Variants in AGO3 observed in about 807,000 individuals in gnomAD.
AGO3 encodes the protein argonaute RISC catalytic component 3, also known as protein argonaute-3.
In AGO3, 16 loss-of-function variants were observed where a neutral mutation model predicts 105.5. The observed-to-expected ratio is 0.15, with a 90% CI of 0.10 to 0.23. The LOEUF is 0.23. AGO3 is among the 10% of genes least tolerant of loss of function. The pLI, the probability that AGO3 is intolerant of heterozygous loss-of-function variation, is 1.00. For synonymous variants in AGO3, 340 were observed against 367.3 expected (o/e 0.93, Z 0.85); for missense variants, 534 against 1,088.0 (o/e 0.49, Z 7.16).
chr1:35,962,449 A>G (rs1646694340), intron 2 of AGO3, among the ~76,000 whole-genome samples: 2 of 152,038 alleles, frequency 1.3e-5, no homozygotes, highest in South Asian at 2.1e-4. Context: ...AGGCTGAGGC[A>G]GGAGAATAGT....
In AGO3 at chr1:35,935,239, A is replaced by G. The variant is rs1254085004; in HGVS notation, c.19+3794A>G. The stretch of plus-strand genomic sequence containing the variant: ...TCCGAGGGAAAACAAAAATTGAGAC[A>G]TAAAATAAATTTTTCCTTCTAAAAA... On this transcript the variant is annotated intron_variant, in intron 1 of 18. Coordinates refer to ENST00000373191, the MANE Select transcript of AGO3 (RefSeq NM_024852.4). 2.6e-5 allele frequency among the ~76,000 whole-genome samples: 4 copies of G among 152,226 alleles called. No homozygotes were observed. In the South Asian group the frequency reaches 6.2e-4, roughly 24 times the overall value.
chr1:35,979,724 T>G (rs1416249487), intron 5 of AGO3, among the ~76,000 whole-genome samples: 2 of 152,172 alleles, frequency 1.3e-5, no homozygotes, highest in African/African-American at 4.8e-5. Flanking sequence ...TTTATATAAG[T>G]GACTTTCTTT....
At chr1:35,982,629 C>T (rs1266809920) in intron 5 of AGO3, 3 of 717,320 alleles carry the variant, frequency 4.2e-6, no homozygotes, top group Admixed American at 2.0e-5. Flanking sequence ...AGAAAGAGAC[C>T]TCTGGCAGCA....
chr1:36,034,175 G>A lies in AGO3; in HGVS notation c.1593G>A (p.Ala531=). 6.5e-7 allele frequency: 1 copy of A among 1,533,662 alleles called. No homozygotes were observed. The highest frequency in any genetic ancestry group is 8.8e-7 in the Non-Finnish European group (1 of 1,141,064). ...AGAGGTTTTGCATCTATTCCATAGCGGAAGTGAAACGTGTAGGAGACACAC... is the reference window on the plus strand; with the variant it reads ...AGAGGTTTTGCATCTATTCCATAGCAGAAGTGAAACGTGTAGGAGACACAC... ...VILPGKTPVY[A]EVKRVGDTLL... Residue 531 remains alanine (A), a splice_region_variant and synonymous_variant, in exon 13 of 19, where the codon GCG becomes GCA. Coordinates refer to ENST00000373191, the MANE Select transcript of AGO3 (RefSeq NM_024852.4).
At chr1:35,979,589 A>G (rs1647014093) in intron 5 of AGO3, among the ~76,000 whole-genome samples, 2 of 152,128 alleles carry the variant, frequency 1.3e-5, no homozygotes, top group East Asian at 1.9e-4. Context: ...ACTAGGATAA[A>G]TAAATTTCCT....
rs1646952588 is a variant in AGO3, at chr1:35,976,068, T to TGTG, written c.658+2558_658+2560dup. Among the ~76,000 whole-genome samples the TGTG allele has an allele frequency of 1.1e-4, 16 of 152,148 alleles. No homozygotes were observed. In the South Asian group the frequency reaches 3.1e-3, roughly 30 times the overall value. On this transcript the variant is annotated intron_variant, in intron 5 of 18. Transcript: ENST00000373191. ...CTCATGCCTCAGCCTCCCAAGCAAC[T>TGTG]GTGATTACAGGCATGCACCACCACA...
At chr1:36,011,712 G>C (rs1640622146) in intron 9 of AGO3, among the ~76,000 whole-genome samples, 1 of 152,208 alleles carries the variant, frequency 6.6e-6, no homozygotes, top group Non-Finnish European at 1.5e-5. Flanking sequence ...AGATAATGCA[G>C]TGATTAAGAG....
intron 5 of AGO3, among the ~76,000 whole-genome samples, chr1:35,986,291 A>T (rs1647175250): frequency 6.6e-6 from 1 of 152,268 alleles, no homozygotes; most frequent in Non-Finnish European, 1.5e-5. Context: ...TCCTGTCAGT[A>T]GCAGAATGAA....
At chr1:36,001,348 C>T (rs1312106803) in intron 5 of AGO3, among the ~76,000 whole-genome samples, 1 of 152,142 alleles carries the variant, frequency 6.6e-6, no homozygotes, top group Non-Finnish European at 1.5e-5. Context: ...CAGGAACATT[C>T]ATTGGAATAT....
chr1:35,972,852 A>C (rs1416547468), intron 4 of AGO3, among the ~76,000 whole-genome samples: 2 of 147,556 alleles, frequency 1.4e-5, no homozygotes, highest in Admixed American at 7.0e-5. Context: ...CTAATTAAAA[A>C]AAAATTTTTT....
Position 36,026,983 on chromosome 1 carries a change from GGTGAC to G in AGO3, c.1407-130_1407-126del, listed in dbSNP as rs150683414. 1,141 of 1,013,904 alleles carry G rather than the reference GGTGAC, an allele frequency of 1.1e-3. 7 individuals carry two copies. The African/African-American group carries it at 0.017, about 15-fold the overall frequency. 62.8% of individuals were successfully genotyped at this position (1,013,904 alleles called of 1,614,324 possible). A position where few individuals can be genotyped will look rare whatever the true frequency, so the allele number is the denominator to read the frequency against. On this transcript the variant is annotated intron_variant, in intron 11 of 18. Coordinates refer to ENST00000373191, the MANE Select transcript of AGO3 (RefSeq NM_024852.4). ...CCATTACGCTTAACATCAGTAGTCT[GGTGAC>G]CTCTCATATATGAAGCACACAAATC...
chr1:36,003,709 A>AAAAAAAAAAATAT (rs1295618675), intron 5 of AGO3, among the ~76,000 whole-genome samples: 41 of 99,424 alleles, frequency 4.1e-4, no homozygotes, highest in African/African-American at 1.5e-3. Flanking sequence ...AAAAAAAAAA[A>AAAAAAAAAAATAT]ATATATATAT....
rs1159592337 is a variant in AGO3, at chr1:35,987,815, A to G, written c.658+14304A>G. On this transcript the variant is annotated intron_variant, in intron 5 of 18. Coordinates refer to ENST00000373191, the MANE Select transcript of AGO3 (RefSeq NM_024852.4). ...CCAGGCGTGGTAGCTCACACCTGTAATCCCAGCACTTTGGAAGGCCTAGGT... is the reference window on the plus strand; with the variant it reads ...CCAGGCGTGGTAGCTCACACCTGTAGTCCCAGCACTTTGGAAGGCCTAGGT... Among the ~76,000 whole-genome samples the G allele has an allele frequency of 3.9e-5, 6 of 151,914 alleles. 1 individual carries two copies. In the South Asian group the frequency reaches 6.2e-4, roughly 16 times the overall value.
chr1:36,000,413 G>A (rs1640032132), intron 5 of AGO3, among the ~76,000 whole-genome samples: 1 of 152,108 alleles, frequency 6.6e-6, no homozygotes, highest in Non-Finnish European at 1.5e-5. Flanking sequence ...GATTCAGAGT[G>A]TAGTGGAATA....
intron 9 of AGO3, among the ~76,000 whole-genome samples, chr1:36,011,057 G>A (rs1191700657): frequency 2.0e-5 from 3 of 152,194 alleles, no homozygotes; most frequent in South Asian, 2.1e-4. Context: ...GAAGGAAGGC[G>A]TTACCAATAC....
intron 5 of AGO3, among the ~76,000 whole-genome samples, chr1:35,981,862 C>T (rs1647058912): frequency 1.3e-5 from 2 of 152,234 alleles, no homozygotes; most frequent in Non-Finnish European, 2.9e-5. Flanking sequence ...ATGTGCTATT[C>T]CCCCACCAGA....
chr1:36,058,926 A>G lies in AGO3; in HGVS notation c.*3181A>G, dbSNP rs1233960366. 5 of 152,158 alleles carry G rather than the reference A, an allele frequency of 3.3e-5. No individual in the cohort carries two copies. Among genetic ancestry groups the G allele is most frequent in the African/African-American group, 7.2e-5 (3 of 41,442 alleles). The allele number at this position is 152,158 out of a possible 1,614,324, so 9.4% of individuals were successfully genotyped here. A position where few individuals can be genotyped will look rare whatever the true frequency, so the allele number is the denominator to read the frequency against. On this transcript the variant is annotated 3_prime_UTR_variant, in exon 19 of 19. Coordinates refer to ENST00000373191, the MANE Select transcript of AGO3 (RefSeq NM_024852.4). ...AAGATGATAAAAATTTAATTCGTCT[A>G]TGCTTGATCAGTGTGAGTAAAACAT...
intron 5 of AGO3, 31 bp downstream of exon 5, chr1:35,973,542 G>T (rs1239197248): frequency 6.9e-7 from 1 of 1,456,204 alleles, no homozygotes. Context: ...TTCTGTATTG[G>T]GTGGTGGATT....
chr1:35,942,462 G>A (rs1216474632), intron 1 of AGO3, among the ~76,000 whole-genome samples: 2 of 152,110 alleles, frequency 1.3e-5, no homozygotes, highest in East Asian at 3.9e-4. Flanking sequence ...TATAACATCG[G>A]TGTTATTTTT....
Sources: allele counts gnomAD v4.1 joint callset (sites outside exome capture counted in the v4.1 genomes callset), GRCh38; gene constraint gnomAD v4.1.1; transcripts MANE v1.5; gene names NCBI Gene and HGNC (gene_info 2026-07-23, HGNC 2026-07-21).